Variants in GPR179 observed in about 807,000 individuals in gnomAD.
GPR179 encodes probable G protein-coupled receptor 179.
Under a neutral mutation model 70.8 loss-of-function variants are expected in GPR179, and 52 were observed. That is an observed-to-expected ratio of 0.73 (90% CI 0.59 to 0.93). GPR179 has a LOEUF of 0.93. Ranked by LOEUF, GPR179 falls within the 40% of genes least tolerant of loss-of-function variation. The pLI, the probability that GPR179 is intolerant of heterozygous loss-of-function variation, is 0.00. For synonymous variants in GPR179, 1,123 were observed against 1,169.0 expected (o/e 0.96, Z 0.80); for missense variants, 2,734 against 2,966.8 (o/e 0.92, Z 1.82).
intron 10 of GPR179, among the ~76,000 whole-genome samples, chr17:38,331,948 GGTTTGAAATATGCA>G (rs1187057254): frequency 6.6e-6 from 1 of 152,204 alleles, no homozygotes; most frequent in East Asian, 1.9e-4. Flanking sequence ...GAGACTAGTG[GGTTTGAAATATGCA>G]GTGTTCAGGT....
chr17:38,335,237 G>A lies in GPR179; in HGVS notation c.1441C>T (p.Arg481Trp), dbSNP rs374449680. 7.7e-6 allele frequency: 12 copies of A among 1,551,894 alleles called. No individual in the cohort carries two copies. The African/African-American group carries it at 9.6e-5, about 12-fold the overall frequency. Residue 481 changes from arginine to tryptophan, a missense_variant, in exon 7 of 11, where the codon CGG (arginine) becomes TGG (tryptophan). Physicochemically the swap from Arg to Trp is moderately radical, Grantham distance 101 (BLOSUM62 -3). Transcript: ENST00000616987. ...CGCCCGCTGCTCAGAAGGGCACTCC[G>A]CTGGGCCGTTCGAGACAGAAACAGC... ...LQLFLSRTAQ[R>W]SALLSSGRLL... is the part of the protein sequence containing the mutation.
intron 3 of GPR179, 64 bp downstream of exon 3, chr17:38,337,569 G>A: frequency 1.4e-6 from 2 of 1,409,868 alleles, no homozygotes; most frequent in Non-Finnish European, 2.0e-6. Flanking sequence ...TTCTTCCCCA[G>A]ATGTACCCTC....
chr17:38,337,971 G>A (rs1323892813), intron 2 of GPR179, among the ~76,000 whole-genome samples: 1 of 152,236 alleles, frequency 6.6e-6, no homozygotes, highest in Non-Finnish European at 1.5e-5. Context: ...TCACCCTTTT[G>A]TTCAGACTGG....
At chr17:38,332,592 C>A (rs2037369126) in intron 10 of GPR179, among the ~76,000 whole-genome samples, 1 of 152,200 alleles carries the variant, frequency 6.6e-6, no homozygotes, top group African/African-American at 2.4e-5. Context: ...AACCATCCTG[C>A]TTTGCTGGGG....
chr17:38,333,986 A>G lies in GPR179; in HGVS notation c.1837T>C (p.Phe613Leu). The G allele has an allele frequency of 6.2e-7, 1 of 1,613,572 alleles. No homozygotes were observed. The highest frequency in any genetic ancestry group is 8.5e-7 in the Non-Finnish European group (1 of 1,179,708). Residue 613 changes from phenylalanine to leucine, a missense_variant, in exon 9 of 11, where the codon TTC becomes CTC. By Grantham distance (22) the Phe-to-Leu change is conservative (BLOSUM62 0). Coordinates refer to ENST00000616987, the MANE Select transcript of GPR179 (RefSeq NM_001004334.4). ...HPDWTLLLFF[F>L]HTHSTVTTTL... The stretch of plus-strand genomic sequence containing the variant: ...GTGGTGACTGTGCTGTGGGTGTGGA[A>G]GAAGAAGAGGAGGAGGGTCCAGTCC...
In GPR179 at chr17:38,334,186, A is replaced by G; in HGVS notation, c.1785-148T>C. 1 of 676,116 alleles carries G rather than the reference A, an allele frequency of 1.5e-6. No individual in the cohort carries two copies. Among genetic ancestry groups the G allele is most frequent in the Non-Finnish European group, 2.7e-6 (1 of 374,558 alleles). The allele number at this position is 676,116 out of a possible 1,614,324, so 41.9% of individuals were successfully genotyped here. A position where few individuals can be genotyped will look rare whatever the true frequency, so the allele number is the denominator to read the frequency against. ...CCCTCTCCTGCCCTCTCCAGGATTT[A>G]GGTCCCACTTCAATCCTGTTAATCC... On this transcript the variant is annotated intron_variant, in intron 8 of 10. Transcript: ENST00000616987. The surrounding 1 kb of genome is among the most constrained non-coding windows in gnomAD (Gnocchi z 4.7).
At position 38,330,352 on chromosome 17, in the gene GPR179, G is replaced by A. The variant is rs1313592469; in HGVS notation, c.3217C>T (p.His1073Tyr). ...EDRPKIFPKS[H>Y]SLKAPVQQGS... ...TGCTGAACAGGGGCCTTGAGGCTGTGGGATTTAGGGAAGATCTTGGGCCTG... is the reference window on the plus strand; with the variant it reads ...TGCTGAACAGGGGCCTTGAGGCTGTAGGATTTAGGGAAGATCTTGGGCCTG... Residue 1073 changes from histidine to tyrosine, a missense_variant, in exon 11 of 11, where the codon CAC becomes TAC. By Grantham distance (83) the His-to-Tyr change is moderately conservative. Coordinates refer to ENST00000616987, the MANE Select transcript of GPR179 (RefSeq NM_001004334.4). The A allele has an allele frequency of 6.2e-7, 1 of 1,613,830 alleles. No homozygotes were observed. Among genetic ancestry groups the A allele is most frequent in the East Asian group, 2.2e-5 (1 of 44,900 alleles).
chr17:38,334,225 G>A lies in GPR179; in HGVS notation c.1785-187C>T, dbSNP rs868748103. Among the ~76,000 whole-genome samples the A allele has an allele frequency of 1.4e-4, 21 of 152,240 alleles. No individual in the cohort carries two copies. Among genetic ancestry groups the A allele is most frequent in the Middle Eastern group, 3.4e-3 (1 of 294 alleles). On this transcript the variant is annotated intron_variant, in intron 8 of 10. Transcript: ENST00000616987. The surrounding 1 kb of genome is among the most constrained non-coding windows in gnomAD (Gnocchi z 4.7). ...TCCTGTTAATCCCAACCTCCAAGAC[G>A]CCCTCCCAGAATACTCCAGCTCACT... is the stretch of plus-strand genomic sequence containing the variant.
At chr17:38,335,457 G>A in intron 6 of GPR179, 134 bp downstream of exon 6, 1 of 775,780 alleles carries the variant, frequency 1.3e-6, no homozygotes, top group South Asian at 1.7e-5. Context: ...CAAGGCTATG[G>A]TGATGGGGGT....
In GPR179 at chr17:38,335,286, A is replaced by G. The variant is rs1212652716; in HGVS notation, c.1407-15T>C. On this transcript the variant is annotated splice_polypyrimidine_tract_variant and intron_variant, in intron 6 of 10. Coordinates refer to ENST00000616987, the MANE Select transcript of GPR179 (RefSeq NM_001004334.4). Reference sequence around the variant, plus strand: ...GCTGCAGCACTCTGCGAGGGTTAGAATACACAGGGTGGATGGCAGGGACCT... The same window carrying G: ...GCTGCAGCACTCTGCGAGGGTTAGAGTACACAGGGTGGATGGCAGGGACCT... 5 of 1,538,446 alleles carry G rather than the reference A, an allele frequency of 3.3e-6. No individual in the cohort carries two copies. In the African/African-American group the frequency reaches 6.9e-5, roughly 21 times the overall value.
rs776030227 is a variant in GPR179 at position 38,331,052 on chromosome 17, C to T, written c.2517G>A (p.Lys839=). ...CCCTGGAGCTGGCCACACTGAGCGACTTCTGCAGAGAGGCGGGCCGGGCTC... is the reference window on the plus strand; with the variant it reads ...CCCTGGAGCTGGCCACACTGAGCGATTTCTGCAGAGAGGCGGGCCGGGCTC... ...LPRARPASLQ[K]SLSVASSREK... Residue 839 remains lysine (K), a synonymous_variant, in exon 11 of 11, where the codon AAG becomes AAA. Coordinates refer to ENST00000616987, the MANE Select transcript of GPR179 (RefSeq NM_001004334.4). The T allele has an allele frequency of 6.2e-7, 1 of 1,607,546 alleles. No homozygotes were observed. The highest frequency in any genetic ancestry group is 8.5e-7 in the Non-Finnish European group (1 of 1,179,964).
In GPR179 at chr17:38,343,924, C is replaced by T. The variant is rs144854045; in HGVS notation, c.-135G>A. ...TCTTCCTCTCTCCGTCTCCCTCTCA[C>T]GCTGGTGCCAGCTCGCCTGCTTTTT... On this transcript the variant is annotated 5_prime_UTR_variant, in exon 1 of 11. In the 5' UTR this introduces an upstream ATG that the reference lacks. Coordinates refer to ENST00000616987, the MANE Select transcript of GPR179 (RefSeq NM_001004334.4). The surrounding 1 kb of genome is among the most constrained non-coding windows in gnomAD (Gnocchi z 4.2). 60 of 714,620 alleles carry T rather than the reference C, an allele frequency of 8.4e-5. No individual in the cohort carries two copies. The highest frequency in any genetic ancestry group is 8.1e-4 in the East Asian group (29 of 35,822). 44.3% of individuals were successfully genotyped at this position (714,620 alleles called of 1,614,324 possible).
At chr17:38,336,648 C>G (rs1383584798) in intron 4 of GPR179, among the ~76,000 whole-genome samples, 2 of 152,248 alleles carry the variant, frequency 1.3e-5, no homozygotes, top group East Asian at 3.8e-4. Context: ...TTGCCCCCAT[C>G]TCACTGTGCT....
chr17:38,330,999 G>A lies in GPR179; in HGVS notation c.2570C>T (p.Ala857Val). Residue 857 changes from alanine (A) to valine (V), a missense_variant, in exon 11 of 11, where the codon GCC becomes GTC. By Grantham distance (64) the Ala-to-Val change is moderately conservative (BLOSUM62 0). Coordinates refer to ENST00000616987, the MANE Select transcript of GPR179 (RefSeq NM_001004334.4). Reference protein sequence around the residue: ...REKALLMASQAYLEETYRQAK... With the variant: ...REKALLMASQVYLEETYRQAK... ...TTGCCGGTAGGTCTCCTCCAGGTAG[G>A]CCTGGCTGGCCATGAGCAAGGCCTT... 1 of 1,611,626 alleles carries A rather than the reference G, an allele frequency of 6.2e-7. No individual in the cohort carries two copies. The highest frequency in any genetic ancestry group is 8.5e-7 in the Non-Finnish European group (1 of 1,179,870).
rs770869482 is a variant in GPR179 at position 38,331,320 on chromosome 17, G to T, written c.2249C>A (p.Ser750Tyr). 1 of 1,607,118 alleles carries T rather than the reference G, an allele frequency of 6.2e-7. No individual in the cohort carries two copies. Among genetic ancestry groups the T allele is most frequent in the Non-Finnish European group, 8.5e-7 (1 of 1,177,500 alleles). ...SPGHGSLPGS[S>Y]RRRLLSSSLQ... ...GCTGGAGCTGAGGAGCCGGCGGCGG[G>T]AGGAGCCGGGCAGGCTGCCGTGGCC... The change falls in exon 11 of 11, where the codon TCC becomes TAC. Residue 750 changes from serine to tyrosine, a missense_variant. Coordinates refer to ENST00000616987, the MANE Select transcript of GPR179 (RefSeq NM_001004334.4).
chr17:38,334,693 TC>T lies in GPR179; in HGVS notation c.1784+10del, dbSNP rs1293970745. The T allele has an allele frequency of 6.2e-7, 1 of 1,611,586 alleles. No homozygotes were observed. The highest frequency in any genetic ancestry group is 1.3e-5 in the African/African-American group (1 of 74,572). ...GTGGAAGGGGGTGTGGGGAGGTGAGTCCGTCCTCACCTGGCTGTGTGGAAGG... is the reference window on the plus strand; with the variant it reads ...GTGGAAGGGGGTGTGGGGAGGTGAGTCGTCCTCACCTGGCTGTGTGGAAGG... On this transcript the variant is annotated intron_variant, in intron 8 of 10. Transcript: ENST00000616987. This position sits in a 1 kb window ranked among gnomAD's most constrained non-coding sequence, Gnocchi z 4.7.
rs2037286093 is a variant in GPR179 at position 38,326,464 on chromosome 17, G to T, written c.*1C>A. On this transcript the variant is annotated 3_prime_UTR_variant, in exon 11 of 11. Coordinates refer to ENST00000616987, the MANE Select transcript of GPR179 (RefSeq NM_001004334.4). ...GTGTTTGACCTCACCTAATAAGGCT[G>T]TTACTCCCAATCCCAAGGATAGACA... 2 of 1,596,254 alleles carry T rather than the reference G, an allele frequency of 1.3e-6. No individual in the cohort carries two copies. The highest frequency in any genetic ancestry group is 2.7e-5 in the African/African-American group (2 of 74,438).
chr17:38,342,135 C>T (rs1234274973), intron 1 of GPR179, among the ~76,000 whole-genome samples: 1 of 151,842 alleles, frequency 6.6e-6, no homozygotes, highest in Non-Finnish European at 1.5e-5. Flanking sequence ...AAAAGTTTTC[C>T]TTCTCCGGGG....
In GPR179 at chr17:38,343,285, T is replaced by A; in HGVS notation, c.505A>T (p.Thr169Ser). 1 of 1,614,094 alleles carries A rather than the reference T, an allele frequency of 6.2e-7. No homozygotes were observed. Among genetic ancestry groups the A allele is most frequent in the Non-Finnish European group, 8.5e-7 (1 of 1,179,992 alleles). ...HLQLALQATR[T>S]GEETILQDLS... ...TCCTGCAGGATGGTTTCCTCCCCAGTCCGGGTGGCCTGCAGGGCCAGCTGT... is the reference window on the plus strand; with the variant it reads ...TCCTGCAGGATGGTTTCCTCCCCAGACCGGGTGGCCTGCAGGGCCAGCTGT... The change falls in exon 1 of 11, where the codon ACT (threonine) becomes TCT (serine). Residue 169 changes from threonine to serine, a missense_variant. Transcript: ENST00000616987. This position sits in a 1 kb window ranked among gnomAD's most constrained non-coding sequence, Gnocchi z 4.2.
Sources: allele counts gnomAD v4.1 joint callset (sites outside exome capture counted in the v4.1 genomes callset), GRCh38; gene constraint gnomAD v4.1.1; non-coding constraint Gnocchi (gnomAD v3.1); transcripts MANE v1.5; gene names NCBI Gene and HGNC (gene_info 2026-07-23, HGNC 2026-07-21).